The following ICA1L variants were observed in gnomAD, a reference collection of about 807,000 sequenced individuals.
ICA1L encodes islet cell autoantigen 1 like.
ICA1L carries 50 observed loss-of-function variants against 61.3 expected under a neutral mutation model. That is an observed-to-expected ratio of 0.82 (90% CI 0.65 to 1.03). ICA1L has a LOEUF of 1.03. ICA1L is among the 50% of genes least tolerant of loss of function. The pLI is 0.00. For missense variants in ICA1L, 508 were observed against 556.7 expected, an observed-to-expected ratio of 0.91 and a Z score of 0.88; for synonymous variants, 161 against 191.3, an observed-to-expected ratio of 0.84 and a Z score of 1.31.
At chr2:202,839,960 C>T (rs1194904929) in intron 1 of ICA1L, among the ~76,000 whole-genome samples, 1 of 151,978 alleles carries the variant, frequency 6.6e-6, no homozygotes, top group Non-Finnish European at 1.5e-5. Flanking sequence ...TGATTGTATA[C>T]ACTTTACCCT....
chr2:202,840,466 G>A (rs72932796), intron 1 of ICA1L: 15,859 of 506,272 alleles, frequency 0.031, 506 homozygotes, highest in Admixed American at 0.091. Flanking sequence ...AGCTGGAGCC[G>A]AGGCCATAGC....
At chr2:202,798,681 T>C (rs1285441857) in intron 9 of ICA1L, among the ~76,000 whole-genome samples, 1 of 134,990 alleles carries the variant, frequency 7.4e-6, no homozygotes, top group Non-Finnish European at 1.6e-5. Context: ...TTGTTAAGTA[T>C]AATAACCGTA....
intron 3 of ICA1L, chr2:202,821,812 A>G (rs2105852644): frequency 6.1e-6 from 1 of 163,364 alleles, no homozygotes; most frequent in African/African-American, 2.4e-5. Flanking sequence ...TCAAATGTGC[A>G]GAGATGTATT....
intron 1 of ICA1L, among the ~76,000 whole-genome samples, chr2:202,845,447 T>C (rs1362471465): frequency 6.6e-6 from 1 of 152,046 alleles, no homozygotes; most frequent in African/African-American, 2.4e-5. Flanking sequence ...GCAAACATGG[T>C]GAAACCCTGT....
At chr2:202,814,674 A>G in intron 8 of ICA1L, 28 bp downstream of exon 8, 2 of 1,492,738 alleles carry the variant, frequency 1.3e-6, no homozygotes, top group Non-Finnish European at 1.9e-6. Context: ...CTTCTATAAC[A>G]TGACACAGAT....
chr2:202,793,027 T>C (rs1218162924), intron 10 of ICA1L, among the ~76,000 whole-genome samples: 1 of 151,936 alleles, frequency 6.6e-6, no homozygotes, highest in African/African-American at 2.4e-5. Context: ...CATGAGAGAA[T>C]TTGGGGGGTA....
intron 12 of ICA1L, among the ~76,000 whole-genome samples, 172 bp downstream of exon 12, chr2:202,785,746 A>G (rs1692559871): frequency 1.3e-5 from 2 of 152,218 alleles, no homozygotes; most frequent in African/African-American, 2.4e-5. Flanking sequence ...TTTCTATTCA[A>G]TGCTTTCCAT....
rs13011600 is a variant in ICA1L, at chr2:202,819,889, A to C, written c.370T>G (p.Cys124Gly). The C allele has an allele frequency of 6.2e-7, 1 of 1,613,782 alleles. No homozygotes were observed. Among genetic ancestry groups the C allele is most frequent in the Middle Eastern group, 1.7e-4 (1 of 6,058 alleles). The change falls in exon 5 of 13, where the codon TGT becomes GGT. Residue 124 changes from cysteine (C) to glycine (G), a missense_variant. Coordinates refer to ENST00000358299, the MANE Select transcript of ICA1L (RefSeq NM_001288622.3). ...CSSAKQRLAL[C>G]TPLSRLKQEV... is the part of the protein sequence containing the mutation. The stretch of plus-strand genomic sequence containing the variant: ...TGCTTCAGACGAGACAGAGGAGTAC[A>C]CAGGGCCAATCTAATGGCAGAGAGG...
chr2:202,840,200 G>A (rs1161669336), intron 1 of ICA1L: 17 of 342,136 alleles, frequency 5.0e-5, no homozygotes, highest in Non-Finnish European at 7.4e-5. Flanking sequence ...ACTCACGAAC[G>A]GGTGGGCTGA....
intron 12 of ICA1L, among the ~76,000 whole-genome samples, chr2:202,781,536 T>C (rs1453846217): frequency 6.7e-6 from 1 of 148,554 alleles, no homozygotes; most frequent in East Asian, 2.0e-4. Flanking sequence ...ATTGCACCAC[T>C]GCACTCCAGC....
chr2:202,856,293 G>A (rs2105885363), intron 1 of ICA1L, among the ~76,000 whole-genome samples: 1 of 152,270 alleles, frequency 6.6e-6, no homozygotes, highest in East Asian at 1.9e-4. Context: ...GATCAAGTCT[G>A]CTTCATCCCT....
At position 202,821,497 on chromosome 2, in the gene ICA1L, C is replaced by T. The variant is rs777226929; in HGVS notation, c.236-16G>A. ...TCTGATATAACTAGGAAAAAAATTA[C>T]AGTGTAGTTAATTGTTTCCTTTCAT... On this transcript the variant is annotated splice_polypyrimidine_tract_variant and intron_variant, in intron 3 of 12. Coordinates refer to ENST00000358299, the MANE Select transcript of ICA1L (RefSeq NM_001288622.3). The T allele has an allele frequency of 1.3e-6, 2 of 1,583,832 alleles. No individual in the cohort carries two copies. The highest frequency in any genetic ancestry group is 1.7e-6 in the Non-Finnish European group (2 of 1,162,576).
chr2:202,792,462 T>C (rs1337815501), intron 10 of ICA1L, among the ~76,000 whole-genome samples: 1 of 152,124 alleles, frequency 6.6e-6, no homozygotes, highest in Non-Finnish European at 1.5e-5. Context: ...GGTAAATAAG[T>C]AAACATAAGA....
intron 8 of ICA1L, among the ~76,000 whole-genome samples, chr2:202,814,408 T>C (rs1359694638): frequency 2.0e-5 from 3 of 152,190 alleles, no homozygotes; most frequent in East Asian, 3.9e-4. Flanking sequence ...CCTTTGACCT[T>C]TTCTGCCATG....
chr2:202,859,517 C>T (rs1694854230), intron 1 of ICA1L, among the ~76,000 whole-genome samples: 1 of 152,148 alleles, frequency 6.6e-6, no homozygotes, highest in Non-Finnish European at 1.5e-5. Flanking sequence ...ATCAATAAGA[C>T]ATTGACATAG....
At chr2:202,841,730 G>A (rs1254489452) in intron 1 of ICA1L, 6 of 501,792 alleles carry the variant, frequency 1.2e-5, no homozygotes, top group Non-Finnish European at 2.3e-5. Context: ...GGGGCCAGAG[G>A]ACCACCTCTG....
At chr2:202,820,396 A>G (rs75141346) in intron 4 of ICA1L, among the ~76,000 whole-genome samples, 13,927 of 151,710 alleles carry the variant, frequency 0.092, 765 homozygotes, top group Non-Finnish European at 0.12. Context: ...AAAAGTGTCT[A>G]CACCTCCTCC....
chr2:202,789,236 A>AAGTT, intron 10 of ICA1L, 149 bp from the exon 11 acceptor site: 1 of 675,616 alleles, frequency 1.5e-6, no homozygotes, highest in Non-Finnish European at 2.4e-6. Flanking sequence ...GTTTATGTGA[A>AAGTT]AGTTACTTCT....
intron 8 of ICA1L, among the ~76,000 whole-genome samples, chr2:202,813,081 A>C (rs1693426103): frequency 6.6e-6 from 1 of 152,084 alleles, no homozygotes; most frequent in Non-Finnish European, 1.5e-5. Context: ...CAACATAGTG[A>C]AACTCCATCT....
Sources: allele counts gnomAD v4.1 joint callset (sites outside exome capture counted in the v4.1 genomes callset), GRCh38; gene constraint gnomAD v4.1.1; transcripts MANE v1.5; gene names NCBI Gene and HGNC (gene_info 2026-07-23, HGNC 2026-07-21).